Variants in DNAJC17 observed in about 807,000 individuals in gnomAD.
The protein encoded by DNAJC17 is DnaJ heat shock protein family (Hsp40) member C17, also known as dnaJ homolog subfamily C member 17.
A neutral mutation model predicts 48.1 loss-of-function variants in DNAJC17; 35 were observed. The observed-to-expected ratio is 0.73, with a 90% CI of 0.56 to 0.96. DNAJC17 has a LOEUF of 0.96. Ranked by LOEUF, DNAJC17 falls within the 50% of genes least tolerant of loss-of-function variation. The pLI is 0.00. For missense variants in DNAJC17, 355 were observed against 377.1 expected (o/e 0.94, Z 0.48); for synonymous variants, 117 against 142.7 (o/e 0.82, Z 1.28).
chr15:40,773,011 A>C (rs1343820701), intron 10 of DNAJC17, among the ~76,000 whole-genome samples: 1 of 148,268 alleles, frequency 6.7e-6, no homozygotes, highest in Non-Finnish European at 1.5e-5. Flanking sequence ...CCCAGGCTAG[A>C]GTGCAATGGC....
chr15:40,776,412 G>C (rs1318770981), intron 5 of DNAJC17, 120 bp from the exon 6 acceptor site: 1 of 1,456,086 alleles, frequency 6.9e-7, no homozygotes, highest in Admixed American at 1.7e-5. Context: ...CTGTGGGTGG[G>C]ACAAATCACC....
chr15:40,768,704 G>A (rs548267036), intron 10 of DNAJC17, among the ~76,000 whole-genome samples: 7 of 152,360 alleles, frequency 4.6e-5, no homozygotes, highest in Non-Finnish European at 1.0e-4. Context: ...ATCTGAATGG[G>A]CCAAGGCTGT....
At chr15:40,792,339 A>C (rs1252513915) in intron 1 of DNAJC17, 2 of 525,648 alleles carry the variant, frequency 3.8e-6, no homozygotes, top group African/African-American at 4.2e-5. Context: ...TCCCTCCCAG[A>C]AAATGTCAAT....
chr15:40,780,318 C>A (rs2141952325), intron 1 of DNAJC17: 1 of 524,936 alleles, frequency 1.9e-6, no homozygotes, highest in East Asian at 4.9e-5. Context: ...GTACTCTACA[C>A]ATTCTTGGTG....
chr15:40,780,244 C>T (rs1478198561), intron 1 of DNAJC17: 1 of 636,502 alleles, frequency 1.6e-6, no homozygotes, highest in Non-Finnish European at 2.9e-6. Flanking sequence ...CTGCAGATGT[C>T]CAGGGGCTGC....
intron 4 of DNAJC17, among the ~76,000 whole-genome samples, chr15:40,777,082 A>G (rs952023889): frequency 6.6e-6 from 1 of 152,112 alleles, no homozygotes; most frequent in African/African-American, 2.4e-5. Context: ...ACATTTACCA[A>G]GCCTCACTGT....
At chr15:40,807,022 C>T (rs1596108369) in intron 1 of DNAJC17, 1 of 551,550 alleles carries the variant, frequency 1.8e-6, no homozygotes, top group Non-Finnish European at 3.2e-6. Flanking sequence ...AATGAGGCAC[C>T]TCTTGTCACA....
chr15:40,766,148 C>T lies in DNAJC17; in HGVS notation c.*1792G>A, dbSNP rs1009241871. The T allele has an allele frequency of 1.6e-5, 6 of 372,624 alleles. No homozygotes were observed. Among genetic ancestry groups the T allele is most frequent in the East Asian group, 4.2e-5 (1 of 23,918 alleles). 23.1% of individuals were successfully genotyped at this position (372,624 alleles called of 1,614,324 possible). ...AAGCTTTCCACATCCTTACTGGAAC[C>T]GCAGAAACAGAGTCCGTTCCCTGGG... On this transcript the variant is annotated 3_prime_UTR_variant, in exon 11 of 11. Transcript: ENST00000220496.
intron 1 of DNAJC17, among the ~76,000 whole-genome samples, chr15:40,786,970 C>G (rs920089665): frequency 6.6e-6 from 1 of 152,186 alleles, no homozygotes; most frequent in Non-Finnish European, 1.5e-5. Flanking sequence ...TAGTATGACA[C>G]GTTCTACGGA....
chr15:40,766,758 C>T lies in DNAJC17; in HGVS notation c.*1182G>A. The T allele has an allele frequency of 6.5e-6, 1 of 152,934 alleles. No individual in the cohort carries two copies. The allele number at this position is 152,934 out of a possible 1,614,324, so 9.5% of individuals were successfully genotyped here. A position where few individuals can be genotyped will look rare whatever the true frequency, so the allele number is the denominator to read the frequency against. On this transcript the variant is annotated 3_prime_UTR_variant, in exon 11 of 11. Transcript: ENST00000220496. The stretch of plus-strand genomic sequence containing the variant: ...TTGTTGCTACAGAACTGCAGGACAG[C>T]CAGGGCAGTGAGGGGCCTGGAGGCT...
chr15:40,794,387 T>C (rs1889893238), intron 1 of DNAJC17, among the ~76,000 whole-genome samples: 1 of 151,748 alleles, frequency 6.6e-6, no homozygotes, highest in African/African-American at 2.4e-5. Flanking sequence ...ACCTGTTACT[T>C]TCGGCTGGGC....
intron 5 of DNAJC17, 111 bp downstream of exon 5, chr15:40,776,431 A>G (rs1223047327): frequency 6.8e-7 from 1 of 1,474,142 alleles, no homozygotes; most frequent in East Asian, 2.3e-5. Context: ...CCCAGCTCCC[A>G]CTGAAGGTGC....
Position 40,773,856 on chromosome 15 carries a change from A to G in DNAJC17, c.682-19T>C, listed in dbSNP as rs778670227. Reference sequence around the variant, plus strand: ...CCAGCTCCTGCCAAACACAGCATCTAGTCCTGTCCCATCCGTTGAGTCAGC... The same window carrying G: ...CCAGCTCCTGCCAAACACAGCATCTGGTCCTGTCCCATCCGTTGAGTCAGC... On this transcript the variant is annotated intron_variant, in intron 9 of 10. Coordinates refer to ENST00000220496, the MANE Select transcript of DNAJC17 (RefSeq NM_018163.3). The G allele has an allele frequency of 2.9e-5, 47 of 1,605,838 alleles. No homozygotes were observed. The highest frequency in any genetic ancestry group is 3.9e-5 in the Non-Finnish European group (46 of 1,174,462).
intron 1 of DNAJC17, among the ~76,000 whole-genome samples, chr15:40,798,762 G>A (rs1419177774): frequency 2.6e-5 from 4 of 152,130 alleles, no homozygotes; most frequent in African/African-American, 9.7e-5. Context: ...AAAGGATCAA[G>A]AACAGAAATA....
intron 7 of DNAJC17, 148 bp downstream of exon 7, chr15:40,775,405 C>G (rs1889291461): frequency 2.1e-6 from 2 of 937,780 alleles, no homozygotes; most frequent in East Asian, 4.8e-5. Flanking sequence ...CTCCGGGCGG[C>G]TGGAGCATGG....
chr15:40,774,500 GA>G (rs1245454045), intron 8 of DNAJC17, 64 bp from the exon 9 acceptor site: 14 of 1,581,814 alleles, frequency 8.9e-6, no homozygotes, highest in Middle Eastern at 1.9e-4. Flanking sequence ...GGTCATGCCA[GA>G]GACAAGCCTG....
chr15:40,782,359 T>G (rs1308028852), intron 1 of DNAJC17, among the ~76,000 whole-genome samples: 1 of 152,156 alleles, frequency 6.6e-6, no homozygotes, highest in Non-Finnish European at 1.5e-5. Context: ...ATTTTGAGGC[T>G]GCCGTGAGCT....
chr15:40,783,291 G>A (rs892530691), intron 1 of DNAJC17, among the ~76,000 whole-genome samples: 2 of 151,962 alleles, frequency 1.3e-5, no homozygotes, highest in African/African-American at 4.8e-5. Flanking sequence ...TGACATCAAG[G>A]TTCATTAACA....
In DNAJC17 at chr15:40,769,210, C is replaced by G. The variant is rs1444348954; in HGVS notation, c.793-1148G>C. The stretch of plus-strand genomic sequence containing the variant: ...CCGGACTGCTAAGCCTGGCCCAGAG[C>G]ACGGCTGACAATTCACGGCAGCCTC... On this transcript the variant is annotated intron_variant, in intron 10 of 10. Transcript: ENST00000220496. This position sits in a 1 kb window ranked among gnomAD's most constrained non-coding sequence, Gnocchi z 4.2. 6.6e-6 allele frequency among the ~76,000 whole-genome samples: 1 copy of G among 152,200 alleles called. No individual in the cohort carries two copies. The highest frequency in any genetic ancestry group is 1.5e-5 in the Non-Finnish European group (1 of 68,024).
Sources: allele counts gnomAD v4.1 joint callset (sites outside exome capture counted in the v4.1 genomes callset), GRCh38; gene constraint gnomAD v4.1.1; non-coding constraint Gnocchi (gnomAD v3.1); transcripts MANE v1.5; gene names NCBI Gene and HGNC (gene_info 2026-07-23, HGNC 2026-07-21).